TMEM178B: variants seen among roughly 807,000 people sequenced by gnomAD.
TMEM178B encodes the protein transmembrane protein 178B.
TMEM178B carries 5 observed loss-of-function variants against 31.0 expected under a neutral mutation model. The observed-to-expected ratio is 0.16, with a 90% CI of 0.08 to 0.34. The LOEUF is 0.34. TMEM178B is among the 10% of genes least tolerant of loss of function. TMEM178B has a pLI of 1.00. For missense variants in TMEM178B, 275 were observed against 400.3 expected, an observed-to-expected ratio of 0.69 and a Z score of 2.67; for synonymous variants, 164 against 164.0, an observed-to-expected ratio of 1.00 and a Z score of 0.00.
At chr7:141,160,752 T>C (rs1796155974) in intron 1 of TMEM178B, among the ~76,000 whole-genome samples, 1 of 152,216 alleles carries the variant, frequency 6.6e-6, no homozygotes, top group South Asian at 2.1e-4. Flanking sequence ...ACACTGAGCT[T>C]GTGCTCAGTG....
intron 1 of TMEM178B, among the ~76,000 whole-genome samples, chr7:141,155,084 T>C (rs1356729690): frequency 6.6e-6 from 1 of 152,154 alleles, no homozygotes; most frequent in Non-Finnish European, 1.5e-5. Flanking sequence ...GTTGGTTTTC[T>C]TGCTGTTGCC....
chr7:141,379,019 T>C (rs1800267354), intron 2 of TMEM178B, among the ~76,000 whole-genome samples: 1 of 152,060 alleles, frequency 6.6e-6, no homozygotes, highest in Admixed American at 6.6e-5. Flanking sequence ...CATCCTCTGC[T>C]TGGGGGAAGC....
chr7:141,187,731 A>C (rs1796633169), intron 1 of TMEM178B, among the ~76,000 whole-genome samples: 1 of 152,212 alleles, frequency 6.6e-6, no homozygotes, highest in African/African-American at 2.4e-5. Flanking sequence ...TTGGCTGCAT[A>C]AATGTCTTCT....
intron 2 of TMEM178B, among the ~76,000 whole-genome samples, chr7:141,381,202 G>A (rs1217802553): frequency 1.3e-5 from 2 of 152,216 alleles, no homozygotes; most frequent in South Asian, 2.1e-4. Flanking sequence ...CCCCCCACCT[G>A]TATCAAAGTC....
chr7:141,252,084 A>G (rs1198101874), intron 2 of TMEM178B, among the ~76,000 whole-genome samples: 1 of 152,204 alleles, frequency 6.6e-6, no homozygotes, highest in Non-Finnish European at 1.5e-5. Context: ...AGACTTTGTA[A>G]AGCTACAGGA....
intron 1 of TMEM178B, among the ~76,000 whole-genome samples, chr7:141,145,171 G>A (rs1795831924): frequency 6.6e-6 from 1 of 152,170 alleles, no homozygotes; most frequent in Admixed American, 6.5e-5. Context: ...TGGACCCTCG[G>A]TTGCCCCTTG....
intron 1 of TMEM178B, among the ~76,000 whole-genome samples, chr7:141,095,720 C>T (rs1033227160): frequency 7.9e-5 from 12 of 152,138 alleles, no homozygotes; most frequent in African/African-American, 1.2e-4. Context: ...ATGCAGAAGA[C>T]GTATGATTAT....
intron 2 of TMEM178B, among the ~76,000 whole-genome samples, chr7:141,294,827 T>C (rs1798604188): frequency 6.6e-6 from 1 of 152,206 alleles, no homozygotes; most frequent in African/African-American, 2.4e-5. Flanking sequence ...AGAGAATCTC[T>C]TGTAGAAGCC....
At chr7:141,183,994 C>T (rs1796570676) in intron 1 of TMEM178B, among the ~76,000 whole-genome samples, 1 of 152,176 alleles carries the variant, frequency 6.6e-6, no homozygotes, top group African/African-American at 2.4e-5. Context: ...AGTGATGCTT[C>T]TTGGAAACTC....
chr7:141,087,447 C>A (rs1794806882), intron 1 of TMEM178B, among the ~76,000 whole-genome samples: 1 of 152,110 alleles, frequency 6.6e-6, no homozygotes. Flanking sequence ...TCAAGAATTC[C>A]AAGAGCCACT....
chr7:141,496,477 C>T, the TMEM178B span, among the ~76,000 whole-genome samples: 6 of 149,744 alleles, frequency 4.0e-5, no homozygotes, highest in African/African-American at 1.5e-4. Context: ...GAGACCATCC[C>T]GGCTAAAACG....
intron 2 of TMEM178B, among the ~76,000 whole-genome samples, chr7:141,282,909 A>G (rs1798388732): frequency 6.6e-6 from 1 of 152,238 alleles, no homozygotes; most frequent in South Asian, 2.1e-4. Flanking sequence ...ATAATGATAG[A>G]TATAATTTAT....
intron 1 of TMEM178B, among the ~76,000 whole-genome samples, chr7:141,114,552 A>G (rs906592411): frequency 6.6e-6 from 1 of 152,268 alleles, no homozygotes; most frequent in Non-Finnish European, 1.5e-5. Context: ...ACCAGTGAAT[A>G]GGAGCTGGTG....
intron 3 of TMEM178B, among the ~76,000 whole-genome samples, chr7:141,452,472 C>T (rs1801883611): frequency 6.6e-6 from 1 of 152,158 alleles, no homozygotes; most frequent in Non-Finnish European, 1.5e-5. Flanking sequence ...CCGTTTTCAC[C>T]CTTACCTTTC....
chr7:141,365,442 G>C (rs1226071388), intron 2 of TMEM178B, among the ~76,000 whole-genome samples: 8 of 152,112 alleles, frequency 5.3e-5, no homozygotes, highest in Admixed American at 3.9e-4. Context: ...GGGTGCTTAG[G>C]ACCTGTATGA....
Position 141,212,666 on chromosome 7 carries a change from T to C in TMEM178B, c.458T>C (p.Ile153Thr), listed in dbSNP as rs571449327. Residue 153 changes from isoleucine to threonine, a missense_variant, in exon 2 of 4, where the codon ATC (isoleucine) becomes ACC (threonine). By Grantham distance (89) the Ile-to-Thr change is moderately conservative (BLOSUM62 -1). Transcript: ENST00000565468. ...ATIPRNLTFN[I>T]TKTIRQDEWH... Reference sequence around the variant, plus strand: ...ATCCCCAGGAACCTCACTTTCAATATCACGAAGACCATCCGTCAGGATGAG... The same window carrying C: ...ATCCCCAGGAACCTCACTTTCAATACCACGAAGACCATCCGTCAGGATGAG... 1.3e-6 allele frequency: 2 copies of C among 1,536,096 alleles called. No homozygotes were observed. Among genetic ancestry groups the C allele is most frequent in the Non-Finnish European group, 8.7e-7 (1 of 1,146,902 alleles).
At chr7:141,359,486 T>G (rs1269083213) in intron 2 of TMEM178B, among the ~76,000 whole-genome samples, 1 of 152,226 alleles carries the variant, frequency 6.6e-6, no homozygotes, top group Non-Finnish European at 1.5e-5. Context: ...AATTGTTAGC[T>G]TACTCTAACC....
chr7:141,421,911 C>T (rs1025962498), intron 2 of TMEM178B, among the ~76,000 whole-genome samples: 2 of 151,906 alleles, frequency 1.3e-5, no homozygotes, highest in Admixed American at 6.6e-5. Flanking sequence ...TAGGTGATAC[C>T]TATGGGAGAC....
intron 2 of TMEM178B, among the ~76,000 whole-genome samples, chr7:141,362,726 C>T (rs544929460): frequency 8.5e-5 from 13 of 152,292 alleles, no homozygotes; most frequent in Admixed American, 7.2e-4. Flanking sequence ...TCTGGACATC[C>T]ATGACTAATT....
Sources: gnomAD v4.1 joint callset for allele counts (sites outside exome capture counted in the v4.1 genomes callset) on GRCh38, gnomAD v4.1.1 for gene constraint, MANE v1.5 for transcripts, NCBI Gene and HGNC (gene_info 2026-07-23, HGNC 2026-07-21) for gene names.